PRDX3: variants seen among roughly 807,000 people sequenced by gnomAD.
PRDX3 encodes thioredoxin-dependent peroxide reductase, mitochondrial.
A neutral mutation model predicts 30.4 loss-of-function variants in PRDX3; 20 were observed. The ratio of observed to expected loss-of-function variants is 0.66; its 90% CI spans 0.46 to 0.96. PRDX3 has a LOEUF of 0.96. Ranked by LOEUF, PRDX3 falls within the 40% of genes least tolerant of loss-of-function variation. The pLI, the probability that PRDX3 is intolerant of heterozygous loss-of-function variation, is 0.00. For synonymous variants in PRDX3, 124 were observed against 117.8 expected, an observed-to-expected ratio of 1.05 and a Z score of -0.34; for missense variants, 322 against 318.3, an observed-to-expected ratio of 1.01 and a Z score of -0.09.
At chr10:119,174,645 C>G in intron 2 of PRDX3, 53 bp from the exon 3 acceptor site, 1 of 1,481,458 alleles carries the variant, frequency 6.8e-7, no homozygotes, top group East Asian at 2.4e-5. Context: ...TGTCAAGCAC[C>G]TATGATTTTA....
At chr10:119,174,403 GTGCT>G in intron 3 of PRDX3, 44 bp downstream of exon 3, 1 of 1,556,566 alleles carries the variant, frequency 6.4e-7, no homozygotes. Context: ...AACAGGATAT[GTGCT>G]TGCTCTCAGA....
chr10:119,169,029 C>A (rs1241343042), intron 6 of PRDX3, 148 bp downstream of exon 6: 3 of 778,606 alleles, frequency 3.9e-6, no homozygotes, highest in Non-Finnish European at 2.1e-6. Context: ...CCCCACCCCA[C>A]CCCCTCTACC....
chr10:119,174,295 C>T (rs1228326911), intron 3 of PRDX3, among the ~76,000 whole-genome samples, 156 bp downstream of exon 3: 1 of 152,170 alleles, frequency 6.6e-6, no homozygotes, highest in African/African-American at 2.4e-5. Context: ...AAACAAGCTA[C>T]AGATCCCAGC....
At position 119,177,205 on chromosome 10, in the gene PRDX3, G is replaced by A. The variant is rs897753287; in HGVS notation, c.37-52C>T. 6.9e-6 allele frequency: 11 copies of A among 1,591,850 alleles called. No individual in the cohort carries two copies. In the African/African-American group the frequency reaches 1.5e-4, roughly 21 times the overall value. On this transcript the variant is annotated intron_variant, in intron 1 of 6. Transcript: ENST00000298510. Reference sequence around the variant, plus strand: ...AGTTTTCCTGGACTGGTGACTGAAGGCTGAAAGGGCATCGTGCCAACGGTG... The same window carrying A: ...AGTTTTCCTGGACTGGTGACTGAAGACTGAAAGGGCATCGTGCCAACGGTG...
At position 119,178,740 on chromosome 10, in the gene PRDX3, C is replaced by T. The variant is rs1190309557; in HGVS notation, c.36+15G>A. 1 of 1,551,366 alleles carries T rather than the reference C, an allele frequency of 6.4e-7. No homozygotes were observed. The highest frequency in any genetic ancestry group is 1.2e-5 in the South Asian group (1 of 84,126). On this transcript the variant is annotated intron_variant, in intron 1 of 6. Coordinates refer to ENST00000298510, the MANE Select transcript of PRDX3 (RefSeq NM_006793.5). ...CCAGTGTCTCCACGCCTGTCCCCAG[C>T]CGACAGCCACTCACCGACGCTCGGA...
chr10:119,173,064 G>T (rs1043080117), intron 4 of PRDX3, among the ~76,000 whole-genome samples: 1 of 152,042 alleles, frequency 6.6e-6, no homozygotes, highest in South Asian at 2.1e-4. Flanking sequence ...TCAGCCTCCC[G>T]AGTAGCTGGG....
At chr10:119,173,487 T>A (rs1847958127) in intron 4 of PRDX3, among the ~76,000 whole-genome samples, 1 of 151,774 alleles carries the variant, frequency 6.6e-6, no homozygotes, top group Non-Finnish European at 1.5e-5. Flanking sequence ...CACATGCCTG[T>A]AATCCCAGCT....
At chr10:119,168,628 CTTTAAACT>C in intron 6 of PRDX3, 95 bp from the exon 7 acceptor site, 1 of 1,540,086 alleles carries the variant, frequency 6.5e-7, no homozygotes, top group Non-Finnish European at 8.7e-7. Context: ...ACCTAAAGTT[CTTTAAACT>C]TTTAAAGATT....
chr10:119,175,269 G>A (rs1446001525), intron 2 of PRDX3, among the ~76,000 whole-genome samples: 2 of 152,222 alleles, frequency 1.3e-5, no homozygotes, highest in Non-Finnish European at 2.9e-5. Context: ...GTGGAGCAGC[G>A]TGTGGCAGTC....
chr10:119,177,495 T>A (rs1013224595), intron 1 of PRDX3, among the ~76,000 whole-genome samples: 7 of 151,672 alleles, frequency 4.6e-5, no homozygotes, highest in African/African-American at 1.7e-4. Context: ...CCATCTCTAC[T>A]AAAAACACAA....
intron 1 of PRDX3, 112 bp downstream of exon 1, chr10:119,178,643 C>A: frequency 7.4e-7 from 1 of 1,356,794 alleles, no homozygotes; most frequent in Non-Finnish European, 1.0e-6. Context: ...CGCGGAAACC[C>A]TCCAAGAAGG....
In PRDX3 at chr10:119,173,207, G is replaced by C. The variant is rs376710748; in HGVS notation, c.447+530C>G. Among the ~76,000 whole-genome samples the C allele has an allele frequency of 9.7e-4, 147 of 152,220 alleles. 4 individuals carry two copies. In the South Asian group the frequency reaches 0.028, roughly 29 times the overall value. ...CCTGTCTCGGCCTCTCAAAGTGCTGGGATTACAGGCGTGAGCCATCACGCC... is the reference window on the plus strand; with the variant it reads ...CCTGTCTCGGCCTCTCAAAGTGCTGCGATTACAGGCGTGAGCCATCACGCC... On this transcript the variant is annotated intron_variant, in intron 4 of 6. Transcript: ENST00000298510.
Position 119,169,269 on chromosome 10 carries a change from C to T in PRDX3, c.625G>A (p.Val209Met), listed in dbSNP as rs370154302. ...SVNDLPVGRS[V>M]EETLRLVKAF... ...TTCACCAAGCGGAGGGTTTCTTCCACGCTTCGGCCCACTGGGAGATCGTTG... is the reference window on the plus strand; with the variant it reads ...TTCACCAAGCGGAGGGTTTCTTCCATGCTTCGGCCCACTGGGAGATCGTTG... Residue 209 changes from valine (V) to methionine (M), a missense_variant, in exon 6 of 7, where the codon GTG (valine) becomes ATG (methionine). Transcript: ENST00000298510. The T allele has an allele frequency of 7.9e-5, 128 of 1,613,878 alleles. No homozygotes were observed. Among genetic ancestry groups the T allele is most frequent in the Middle Eastern group, 1.7e-4 (1 of 5,986 alleles).
rs1265019258 is a variant in PRDX3, at chr10:119,173,774, T to G, written c.410A>C (p.His137Pro). Reference sequence around the variant, plus strand: ...ATTTATCCAGGCAAGATGGCTAAAGTGGGAATCCACTGAGACTGCGACAAC... The same window carrying G: ...ATTTATCCAGGCAAGATGGCTAAAGGGGGAATCCACTGAGACTGCGACAAC... Reference protein sequence around the residue: ...CEVVAVSVDSHFSHLAWINTP... With the variant: ...CEVVAVSVDSPFSHLAWINTP... Residue 137 changes from histidine (H) to proline (P), a missense_variant, in exon 4 of 7, where the codon CAC becomes CCC. Transcript: ENST00000298510. 2.5e-6 allele frequency: 4 copies of G among 1,612,398 alleles called. No homozygotes were observed. The highest frequency in any genetic ancestry group is 3.3e-5 in the Admixed American group (2 of 59,964).
Position 119,168,521 on chromosome 10 carries a change from G to A in PRDX3, c.730C>T (p.Pro244Ser). ...TPDSPTIKPS[P>S]AASKEYFQKV... ...TGAAAGTACTCTTTGGAAGCAGCTG[G>A]ACTTGGCTTGATCTGAAAATACAAA... The change falls in exon 7 of 7, where the codon CCA becomes TCA. Residue 244 changes from proline to serine, a missense_variant. Physicochemically the swap from Pro to Ser is moderately conservative, Grantham distance 74 (BLOSUM62 -1). Transcript: ENST00000298510. 2 of 1,613,830 alleles carry A rather than the reference G, an allele frequency of 1.2e-6. No individual in the cohort carries two copies. Among genetic ancestry groups the A allele is most frequent in the Non-Finnish European group, 1.7e-6 (2 of 1,179,986 alleles).
chr10:119,174,614 T>C (rs762618896), intron 2 of PRDX3, 22 bp from the exon 3 acceptor site: 78 of 1,557,980 alleles, frequency 5.0e-5, no homozygotes, highest in Middle Eastern at 3.4e-4. Context: ...CCCACACTCA[T>C]ATGGAGTTCA....
Position 119,176,874 on chromosome 10 carries a change from T to C in PRDX3, c.169+147A>G, listed in dbSNP as rs1286761613. The C allele has an allele frequency of 5.4e-6, 5 of 930,398 alleles. No homozygotes were observed. In the African/African-American group the frequency reaches 8.2e-5, roughly 15 times the overall value. The allele number at this position is 930,398 out of a possible 1,614,324, so 57.6% of individuals were successfully genotyped here. Reference sequence around the variant, plus strand: ...TCCTGGTCTCACCCCACAGACTAACTTGTCTGGGGTGGGACGGGGGCAGTG... The same window carrying C: ...TCCTGGTCTCACCCCACAGACTAACCTGTCTGGGGTGGGACGGGGGCAGTG... On this transcript the variant is annotated intron_variant, in intron 2 of 6. Coordinates refer to ENST00000298510, the MANE Select transcript of PRDX3 (RefSeq NM_006793.5).
In PRDX3 at chr10:119,177,169, T is replaced by A; in HGVS notation, c.37-16A>T. 6.2e-7 allele frequency: 1 copy of A among 1,611,974 alleles called. No individual in the cohort carries two copies. The highest frequency in any genetic ancestry group is 8.5e-7 in the Non-Finnish European group (1 of 1,179,624). On this transcript the variant is annotated splice_polypyrimidine_tract_variant and intron_variant, in intron 1 of 6. Coordinates refer to ENST00000298510, the MANE Select transcript of PRDX3 (RefSeq NM_006793.5). The stretch of plus-strand genomic sequence containing the variant: ...GTCGGGCAACCTGGAAAGAGAAACT[T>A]TTTATTAGAAAGTTTTCCTGGACTG...
At chr10:119,177,646 T>C (rs2133667055) in intron 1 of PRDX3, among the ~76,000 whole-genome samples, 1 of 110,394 alleles carries the variant, frequency 9.1e-6, no homozygotes, top group East Asian at 2.9e-4. Flanking sequence ...GACAACTCCG[T>C]CTCAAAAAAA....
Sources: gnomAD v4.1 joint callset for allele counts (sites outside exome capture counted in the v4.1 genomes callset) on GRCh38, gnomAD v4.1.1 for gene constraint, MANE v1.5 for transcripts, NCBI Gene and HGNC (gene_info 2026-07-23, HGNC 2026-07-21) for gene names.